Variants in NOL4 observed in about 807,000 individuals in gnomAD.
The protein encoded by NOL4 is nucleolar protein 4, also known as cancer/testis antigen 125.
In NOL4, 17 loss-of-function variants were observed where a neutral mutation model predicts 75.9. The ratio of observed to expected loss-of-function variants is 0.22; its 90% CI spans 0.15 to 0.34. NOL4 has a LOEUF of 0.34. Ranked by LOEUF, NOL4 falls within the 10% of genes least tolerant of loss-of-function variation. NOL4 has a pLI of 1.00. For synonymous variants in NOL4, 292 were observed against 289.9 expected (o/e 1.01, Z -0.07); for missense variants, 614 against 793.5 (o/e 0.77, Z 2.72).
Position 33,872,181 on chromosome 18 carries a change from C to T in NOL4, c.1723+11063G>A, listed in dbSNP as rs9973114. ...CAGTGTCAAAAATGTGGTCACATTT[C>T]AAATACCTTGAGTTTAAGCTTGCTT... On this transcript the variant is annotated intron_variant, in intron 10 of 10. Coordinates refer to ENST00000261592, the MANE Select transcript of NOL4 (RefSeq NM_003787.5). 9.5e-3 allele frequency among the ~76,000 whole-genome samples: 1,437 copies of T among 152,014 alleles called. 24 individuals are homozygous for T. Among genetic ancestry groups the T allele is most frequent in the African/African-American group, 0.033 (1,387 of 41,484 alleles).
At chr18:34,106,489 AAC>A (rs1288319772) in intron 2 of NOL4, among the ~76,000 whole-genome samples, 1 of 152,056 alleles carries the variant, frequency 6.6e-6, no homozygotes, top group African/African-American at 2.4e-5. Flanking sequence ...ATTAAAATTC[AAC>A]ACTCTTAGGG....
At chr18:34,163,606 G>A (rs1219959862) in intron 1 of NOL4, among the ~76,000 whole-genome samples, 2 of 152,130 alleles carry the variant, frequency 1.3e-5, no homozygotes, top group African/African-American at 2.4e-5. Context: ...CAAACAAATG[G>A]AAGAACATTC....
intron 9 of NOL4, among the ~76,000 whole-genome samples, chr18:33,897,826 A>G (rs11399467): frequency 0.065 from 9,392 of 145,322 alleles, 412 homozygotes; most frequent in East Asian, 0.13. Flanking sequence ...TTCTTTCATT[A>G]AAAAAAACTA....
chr18:34,173,166 T>A (rs530162007), intron 1 of NOL4, among the ~76,000 whole-genome samples: 2 of 152,224 alleles, frequency 1.3e-5, no homozygotes, highest in South Asian at 2.1e-4. Context: ...AAATACTGAA[T>A]GATTTTACTA....
intron 6 of NOL4, among the ~76,000 whole-genome samples, chr18:33,961,651 G>C (rs183527798): frequency 2.0e-5 from 3 of 152,104 alleles, no homozygotes; most frequent in Non-Finnish European, 4.4e-5. Context: ...CATTATCAAT[G>C]ACTTCATTAA....
At position 34,156,433 on chromosome 18, in the gene NOL4, T is replaced by TA. The variant is rs1312678447; in HGVS notation, c.265-26414dup. Among the ~76,000 whole-genome samples, 3 of 152,276 alleles carry TA rather than the reference T, an allele frequency of 2.0e-5. No homozygotes were observed. In the South Asian group the frequency reaches 6.2e-4, roughly 32 times the overall value. The stretch of plus-strand genomic sequence containing the variant: ...AGCTTAACTCTGGAGCCTACTTTCT[T>TA]AACTATTGTTCTCTACCTTCTCCTT... On this transcript the variant is annotated intron_variant, in intron 1 of 10. Transcript: ENST00000261592.
chr18:34,059,102 TAGAG>T (rs1214934773), intron 5 of NOL4, among the ~76,000 whole-genome samples: 5 of 135,510 alleles, frequency 3.7e-5, no homozygotes, highest in Non-Finnish European at 6.2e-5. Flanking sequence ...CACATATATA[TAGAG>T]AGATAGATAG....
intron 5 of NOL4, among the ~76,000 whole-genome samples, chr18:34,031,180 T>C (rs2075622159): frequency 6.6e-6 from 1 of 152,210 alleles, no homozygotes; most frequent in South Asian, 2.1e-4. Flanking sequence ...CTCCCAGGAC[T>C]CAAGCTCTGA....
At chr18:34,010,919 C>A (rs777915625) in intron 6 of NOL4, among the ~76,000 whole-genome samples, 1 of 151,628 alleles carries the variant, frequency 6.6e-6, no homozygotes, top group East Asian at 1.9e-4. Context: ...TTTTTTCTAT[C>A]AAATTCTTTG....
intron 5 of NOL4, among the ~76,000 whole-genome samples, chr18:34,039,948 A>G (rs559841964): frequency 1.8e-4 from 27 of 152,124 alleles, no homozygotes; most frequent in African/African-American, 6.5e-4. Context: ...GCTTTGTGTT[A>G]GATAACTCCA....
At chr18:33,896,897 C>G (rs1009816491) in intron 9 of NOL4, among the ~76,000 whole-genome samples, 1 of 152,054 alleles carries the variant, frequency 6.6e-6, no homozygotes, top group Admixed American at 6.6e-5. Context: ...TATCCAGCAT[C>G]TATAAGGAAC....
At chr18:34,101,866 T>C (rs1408903204) in intron 4 of NOL4, among the ~76,000 whole-genome samples, 2 of 152,084 alleles carry the variant, frequency 1.3e-5, no homozygotes, top group Non-Finnish European at 2.9e-5. Flanking sequence ...GCTCCCCATA[T>C]TACTCAGAGT....
chr18:33,976,547 G>A (rs1372065959), intron 6 of NOL4, among the ~76,000 whole-genome samples: 1 of 152,046 alleles, frequency 6.6e-6, no homozygotes, highest in Non-Finnish European at 1.5e-5. Context: ...TTCCACAATT[G>A]AAATAGTAGA....
intron 9 of NOL4, among the ~76,000 whole-genome samples, chr18:33,940,793 G>A (rs1372991851): frequency 6.6e-6 from 1 of 151,908 alleles, no homozygotes; most frequent in Non-Finnish European, 1.5e-5. Context: ...CCTAGAAACA[G>A]AGCCTTGCAA....
chr18:34,082,937 T>C (rs985708019), intron 5 of NOL4, among the ~76,000 whole-genome samples: 2 of 152,154 alleles, frequency 1.3e-5, no homozygotes, highest in Admixed American at 1.3e-4. Flanking sequence ...TTCTAAAATG[T>C]ATATGAACAT....
intron 1 of NOL4, among the ~76,000 whole-genome samples, chr18:34,187,785 A>T (rs1395424024): frequency 6.6e-6 from 1 of 152,184 alleles, no homozygotes; most frequent in Non-Finnish European, 1.5e-5. Flanking sequence ...AGGTTTTAAA[A>T]ATTTATTTAA....
At chr18:34,023,972 A>T (rs2075186523) in intron 5 of NOL4, among the ~76,000 whole-genome samples, 1 of 151,794 alleles carries the variant, frequency 6.6e-6, no homozygotes. Flanking sequence ...AAGTGGTTTC[A>T]TCAGCATCAT....
At chr18:34,217,104 T>G (rs2036944940) in intron 1 of NOL4, among the ~76,000 whole-genome samples, 1 of 152,134 alleles carries the variant, frequency 6.6e-6, no homozygotes, top group Non-Finnish European at 1.5e-5. Context: ...GATGGGACAT[T>G]TGGTATGACT....
At position 34,183,232 on chromosome 18, in the gene NOL4, C is replaced by G. The variant is rs896226817; in HGVS notation, c.264+39758G>C. Among the ~76,000 whole-genome samples, 2 of 151,592 alleles carry G rather than the reference C, an allele frequency of 1.3e-5. 1 individual carries two copies. Among genetic ancestry groups the G allele is most frequent in the South Asian group, 4.2e-4 (2 of 4,788 alleles). ...TAAGCAATCCAATTTAATAAGTAGG[C>G]AAAGATCTGAACAAACACTTCACCA... On this transcript the variant is annotated intron_variant, in intron 1 of 10. Coordinates refer to ENST00000261592, the MANE Select transcript of NOL4 (RefSeq NM_003787.5).
Sources: allele counts gnomAD v4.1 joint callset (sites outside exome capture counted in the v4.1 genomes callset), GRCh38; gene constraint gnomAD v4.1.1; transcripts MANE v1.5; gene names NCBI Gene and HGNC (gene_info 2026-07-23, HGNC 2026-07-21).